TSACC: variants seen among roughly 807,000 people sequenced by gnomAD.
TSACC encodes the protein TSSK6 activating cochaperone, also known as TSSK6-activating co-chaperone protein.
TSACC carries 3 observed loss-of-function variants against 6.9 expected under a neutral mutation model. That is an observed-to-expected ratio of 0.43 (90% CI 0.20 to 1.12). The LOEUF is 1.12. Among genes scored for constraint, TSACC ranks in the 50% most tolerant of loss-of-function variants. TSACC has a pLI of 0.28. For missense variants in TSACC, 137 were observed against 143.9 expected, an observed-to-expected ratio of 0.95 and a Z score of 0.24; for synonymous variants, 54 against 55.1, an observed-to-expected ratio of 0.98 and a Z score of 0.09.
chr1:156,341,389 T>C (rs1665875550), intron 2 of TSACC, among the ~76,000 whole-genome samples: 1 of 152,200 alleles, frequency 6.6e-6, no homozygotes, highest in African/African-American at 2.4e-5. Flanking sequence ...AAGACTCTCA[T>C]AGCACTTACT....
intron 2 of TSACC, among the ~76,000 whole-genome samples, chr1:156,342,733 G>A (rs1400648168): frequency 6.6e-6 from 1 of 152,196 alleles, no homozygotes; most frequent in African/African-American, 2.4e-5. Context: ...ATGCCTGTCT[G>A]CACAGCAAGA....
At chr1:156,343,178 C>G (rs1220551442) in intron 2 of TSACC, among the ~76,000 whole-genome samples, 3 of 152,168 alleles carry the variant, frequency 2.0e-5, no homozygotes, top group Non-Finnish European at 2.9e-5. Context: ...ATTTGGATTT[C>G]CTACTCTCAC....
intron 2 of TSACC, among the ~76,000 whole-genome samples, chr1:156,340,429 G>T (rs1665807625): frequency 6.6e-6 from 1 of 150,932 alleles, no homozygotes; most frequent in South Asian, 2.1e-4. Flanking sequence ...AAAGTGCTGG[G>T]ATTACAGGTG....
At chr1:156,339,534 CTG>C (rs1239692572) in intron 1 of TSACC, 98 bp from the exon 2 acceptor site, 2 of 480,422 alleles carry the variant, frequency 4.2e-6, no homozygotes, top group East Asian at 3.5e-5. Context: ...TAAAGGAAAA[CTG>C]TTTTCCAAAC....
upstream of TSACC, chr1:156,338,084 G>A: frequency 6.6e-7 from 1 of 1,519,098 alleles, no homozygotes; most frequent in African/African-American, 1.4e-5. Flanking sequence ...ACGGAGCTGG[G>A]GCAACACTGA....
chr1:156,337,909 G>A (rs1665512951), upstream of TSACC: 2 of 554,932 alleles, frequency 3.6e-6, no homozygotes, highest in South Asian at 2.4e-5. Context: ...GTGGGAAAGA[G>A]CTTCCCAAGA....
intron 2 of TSACC, among the ~76,000 whole-genome samples, chr1:156,343,501 T>G (rs1016313983): frequency 2.0e-5 from 3 of 152,114 alleles, no homozygotes; most frequent in African/African-American, 7.2e-5. Context: ...ATACATTTTC[T>G]CAGAATAGGA....
At position 156,338,586 on chromosome 1, in the gene TSACC, G is replaced by T. The variant is rs1479733124; in HGVS notation, c.-144G>T. ...TCTAGGGTTGGGTGCTGGGGTTGCG[G>T]CTTTCGGTTAACACCGCAGGTGAGG... On this transcript the variant is annotated 5_prime_UTR_variant, in exon 1 of 4. Transcript: ENST00000368254. 2 of 282,580 alleles carry T rather than the reference G, an allele frequency of 7.1e-6. No individual in the cohort carries two copies. Among genetic ancestry groups the T allele is most frequent in the African/African-American group, 4.3e-5 (2 of 46,290 alleles). 17.5% of individuals were successfully genotyped at this position (282,580 alleles called of 1,614,324 possible). A position where few individuals can be genotyped will look rare whatever the true frequency, so the allele number is the denominator to read the frequency against.
upstream of TSACC, chr1:156,337,792 GAAAAAAAAAC>G (rs1293210507): frequency 3.9e-5 from 11 of 280,666 alleles, no homozygotes; most frequent in Non-Finnish European, 6.0e-5. Context: ...AGACCTAACT[GAAAAAAAAAC>G]AAAAAAAAAC....
chr1:156,338,429 G>C (rs537346073), upstream of TSACC: 11 of 577,170 alleles, frequency 1.9e-5, no homozygotes, highest in Non-Finnish European at 3.4e-5. Context: ...GAGAGCGCAC[G>C]ACGAAGGCAC....
At chr1:156,338,295 C>A, upstream of TSACC, 1 of 1,022,512 alleles carries the variant, frequency 9.8e-7, no homozygotes, top group South Asian at 1.4e-5. Context: ...GGGCTTACAC[C>A]TCAACCCGCT....
intron 2 of TSACC, among the ~76,000 whole-genome samples, chr1:156,341,245 A>C (rs984399592): frequency 6.6e-6 from 1 of 152,256 alleles, no homozygotes; most frequent in African/African-American, 2.4e-5. Flanking sequence ...TAACTAAAAA[A>C]ACATTATTCA....
chr1:156,338,327 C>A, upstream of TSACC: 1 of 750,904 alleles, frequency 1.3e-6, no homozygotes, highest in Non-Finnish European at 2.3e-6. Flanking sequence ...AGTCGCCAAT[C>A]ACCGCACCCA....
At chr1:156,337,995 G>A (rs1665520026), upstream of TSACC, among the ~76,000 whole-genome samples, 1 of 152,154 alleles carries the variant, frequency 6.6e-6, no homozygotes, top group Non-Finnish European at 1.5e-5. Flanking sequence ...AACAGGTTAA[G>A]AGAAGAGAGG....
At chr1:156,337,347 GCAGTGAA>G (rs1212013360), upstream of TSACC, 2 of 249,774 alleles carry the variant, frequency 8.0e-6, no homozygotes, top group African/African-American at 4.8e-5. Context: ...GGCAGAGGTT[GCAGTGAA>G]CAGAGATCGC....
chr1:156,340,227 C>A (rs1324948723), intron 2 of TSACC, among the ~76,000 whole-genome samples: 1 of 152,216 alleles, frequency 6.6e-6, no homozygotes, highest in African/African-American at 2.4e-5. Context: ...GGCACCATCT[C>A]TGCTCACTGC....
intron 2 of TSACC, 70 bp downstream of exon 2, chr1:156,339,861 G>A: frequency 6.5e-7 from 1 of 1,544,426 alleles, no homozygotes; most frequent in Non-Finnish European, 8.9e-7. Flanking sequence ...CACTAAATGG[G>A]AGCATTGCTG....
chr1:156,337,884 G>A (rs1665509823), upstream of TSACC: 2 of 528,568 alleles, frequency 3.8e-6, no homozygotes, highest in South Asian at 2.6e-5. Flanking sequence ...TGGGGGCTGA[G>A]GGACAGAACG....
At position 156,344,860 on chromosome 1, in the gene TSACC, A is replaced by G. The variant is rs561821017; in HGVS notation, c.163+152A>G. The G allele has an allele frequency of 5.1e-5, 50 of 988,958 alleles. 1 individual carries two copies. Among genetic ancestry groups the G allele is most frequent in the Non-Finnish European group, 7.0e-5 (48 of 688,838 alleles). The allele number at this position is 988,958 out of a possible 1,614,324, so 61.3% of individuals were successfully genotyped here. A position where few individuals can be genotyped will look rare whatever the true frequency, so the allele number is the denominator to read the frequency against. On this transcript the variant is annotated intron_variant, in intron 3 of 3. Transcript: ENST00000368254. ...GATAGCTTGTTGATTATTTAGTTTC[A>G]TTGATATCATTATCATCCCAGTTCT...
Sources: allele counts gnomAD v4.1 joint callset (sites outside exome capture counted in the v4.1 genomes callset), GRCh38; gene constraint gnomAD v4.1.1; transcripts MANE v1.5; gene names NCBI Gene and HGNC (gene_info 2026-07-23, HGNC 2026-07-21).